Variants in SLC7A7 observed in about 807,000 individuals in gnomAD.
The protein encoded by SLC7A7 is Y+L amino acid transporter 1.
SLC7A7 carries 39 observed loss-of-function variants against 47.9 expected under a neutral mutation model. The observed-to-expected ratio is 0.81, with a 90% CI of 0.63 to 1.06. The LOEUF (loss-of-function observed/expected upper bound fraction) is 1.06, where lower values mean the gene tolerates loss of function less well. SLC7A7 is among the 50% of genes least tolerant of loss of function. The probability of loss-of-function intolerance (pLI) is 0.00; values close to 1 mark genes in which losing one functional copy is unlikely to be tolerated. For missense variants in SLC7A7, 588 were observed against 632.0 expected, an observed-to-expected ratio of 0.93 and a Z score of 0.75; for synonymous variants, 234 against 242.8, an observed-to-expected ratio of 0.96 and a Z score of 0.34.
chr14:22,810,393 CAG>C (rs2039286232), intron 2 of SLC7A7, among the ~76,000 whole-genome samples: 1 of 140,854 alleles, frequency 7.1e-6, no homozygotes, highest in African/African-American at 2.7e-5. Flanking sequence ...ACCTGGGAGG[CAG>C]AGGTTGCGGT....
rs1172881318 is a variant in SLC7A7 at position 22,778,949 on chromosome 14, G to A, written c.626-12C>T. 6.2e-7 allele frequency: 1 copy of A among 1,613,660 alleles called. No individual in the cohort carries two copies. Among genetic ancestry groups the A allele is most frequent in the Non-Finnish European group, 8.5e-7 (1 of 1,179,972 alleles). Reference sequence around the variant, plus strand: ...ATGAGTAGAGGCTCCTGGAACCCAAGAACATTGGAAGGCAGGGGATTAGTG... The same window carrying A: ...ATGAGTAGAGGCTCCTGGAACCCAAAAACATTGGAAGGCAGGGGATTAGTG... On this transcript the variant is annotated splice_polypyrimidine_tract_variant and intron_variant, in intron 3 of 9. Transcript: ENST00000674313.
At chr14:22,808,164 C>CAA (rs36057907) in intron 2 of SLC7A7, among the ~76,000 whole-genome samples, 9 of 138,056 alleles carry the variant, frequency 6.5e-5, no homozygotes, top group South Asian at 4.6e-4. Context: ...AACTTCATCT[C>CAA]AAAAAAAAAA....
intron 2 of SLC7A7, among the ~76,000 whole-genome samples, chr14:22,808,576 GC>G: frequency 1.3e-5 from 2 of 152,244 alleles, no homozygotes; most frequent in South Asian, 2.1e-4. Flanking sequence ...GGAGGCCAAG[GC>G]AGGCAGATAG....
chr14:22,784,595 T>C (rs1469177970), intron 2 of SLC7A7, among the ~76,000 whole-genome samples: 12 of 150,974 alleles, frequency 7.9e-5, no homozygotes, highest in Admixed American at 6.6e-4. Context: ...TCCAGCCTGG[T>C]GACAGAGCAA....
intron 7 of SLC7A7, among the ~76,000 whole-genome samples, chr14:22,774,715 A>C (rs1244169798): frequency 6.6e-6 from 1 of 152,080 alleles, no homozygotes; most frequent in Non-Finnish European, 1.5e-5. Flanking sequence ...CCATTCTTCA[A>C]GTTAACCCTG....
At chr14:22,809,883 C>G (rs539013689) in intron 2 of SLC7A7, among the ~76,000 whole-genome samples, 1 of 151,478 alleles carries the variant, frequency 6.6e-6, no homozygotes, top group Non-Finnish European at 1.5e-5. Flanking sequence ...TCTAAAAATA[C>G]AAAAAATTAG....
chr14:22,800,283 T>C (rs1398740169), intron 2 of SLC7A7, among the ~76,000 whole-genome samples: 1 of 152,254 alleles, frequency 6.6e-6, no homozygotes, highest in Non-Finnish European at 1.5e-5. Context: ...CTCCTTAATA[T>C]AGTTGGTGCA....
intron 5 of SLC7A7, 83 bp downstream of exon 5, chr14:22,776,112 C>T (rs950846120): frequency 1.3e-6 from 2 of 1,586,760 alleles, no homozygotes; most frequent in African/African-American, 2.7e-5. Context: ...GCTGTCTACC[C>T]CCTTTCCAGG....
At position 22,773,424 on chromosome 14, in the gene SLC7A7, G is replaced by A; in HGVS notation, c.*186C>T. ...CCTTCATTGTCCCCTTTAAAAGTCT[G>A]GAACAGTATGTAGCAAAACAAATAA... On this transcript the variant is annotated 3_prime_UTR_variant, in exon 10 of 10. Transcript: ENST00000674313. 1.5e-6 allele frequency: 1 copy of A among 685,716 alleles called. No homozygotes were observed. The allele number at this position is 685,716 out of a possible 1,614,324, so 42.5% of individuals were successfully genotyped here. A position where few individuals can be genotyped will look rare whatever the true frequency, so the allele number is the denominator to read the frequency against.
chr14:22,784,616 C>CAA (rs1043176688), intron 2 of SLC7A7, among the ~76,000 whole-genome samples: 1 of 136,474 alleles, frequency 7.3e-6, no homozygotes, highest in Admixed American at 7.4e-5. Flanking sequence ...GACTCCATCT[C>CAA]AAAAAAAAAA....
intron 2 of SLC7A7, among the ~76,000 whole-genome samples, chr14:22,798,641 C>T (rs1404030309): frequency 6.6e-6 from 1 of 152,196 alleles, no homozygotes; most frequent in Non-Finnish European, 1.5e-5. Context: ...TTTCCTCTAA[C>T]AATCACCCTC....
chr14:22,805,725 C>T (rs2039190536), intron 2 of SLC7A7, among the ~76,000 whole-genome samples: 1 of 152,112 alleles, frequency 6.6e-6, no homozygotes, highest in Non-Finnish European at 1.5e-5. Flanking sequence ...ACATGTTTAC[C>T]TATGTAACAA....
At chr14:22,783,080 CCCA>C (rs1438263941) in intron 2 of SLC7A7, among the ~76,000 whole-genome samples, 1 of 150,968 alleles carries the variant, frequency 6.6e-6, no homozygotes, top group Non-Finnish European at 1.5e-5. Context: ...ACTACAAGTG[CCCA>C]CCACCACACC....
At position 22,809,282 on chromosome 14, in the gene SLC7A7, G is replaced by A. The variant is rs574881804; in HGVS notation, c.499+3618C>T. Among the ~76,000 whole-genome samples, 28 of 151,520 alleles carry A rather than the reference G, an allele frequency of 1.8e-4. No homozygotes were observed. In the South Asian group the frequency reaches 3.4e-3, roughly 18 times the overall value. On this transcript the variant is annotated intron_variant, in intron 2 of 9. Transcript: ENST00000674313. ...CAACCTCTGCTTCCCGGGTTCAAGCGTTCCTCCTGTGTCAGCCTCCCTAGT... is the reference window on the plus strand; with the variant it reads ...CAACCTCTGCTTCCCGGGTTCAAGCATTCCTCCTGTGTCAGCCTCCCTAGT...
chr14:22,775,805 C>T (rs765855443), intron 6 of SLC7A7, 28 bp downstream of exon 6: 2 of 1,499,388 alleles, frequency 1.3e-6, no homozygotes, highest in Non-Finnish European at 1.9e-6. Flanking sequence ...TTTGATGATA[C>T]ACCCCTCACA....
chr14:22,805,859 A>G (rs2039192999), intron 2 of SLC7A7, among the ~76,000 whole-genome samples: 1 of 152,100 alleles, frequency 6.6e-6, no homozygotes, highest in Non-Finnish European at 1.5e-5. Flanking sequence ...ACATACATCA[A>G]AGGCCGAGGG....
intron 2 of SLC7A7, 54 bp from the exon 3 acceptor site, chr14:22,780,105 A>T: frequency 6.2e-7 from 1 of 1,610,678 alleles, no homozygotes. Context: ...CTAGGGCCTT[A>T]GACTCCCAAG....
In SLC7A7 at chr14:22,774,514, G is replaced by A; in HGVS notation, c.1096-11C>T. The A allele has an allele frequency of 6.2e-7, 1 of 1,614,134 alleles. No homozygotes were observed. The highest frequency in any genetic ancestry group is 8.5e-7 in the Non-Finnish European group (1 of 1,180,018). Reference sequence around the variant, plus strand: ...CAATGCCATGATACCCTGTAAGCGTGAGCCTAAGTCAGCTCTTCTCAGGGC... The same window carrying A: ...CAATGCCATGATACCCTGTAAGCGTAAGCCTAAGTCAGCTCTTCTCAGGGC... On this transcript the variant is annotated splice_polypyrimidine_tract_variant and intron_variant, in intron 7 of 9. Coordinates refer to ENST00000674313, the MANE Select transcript of SLC7A7 (RefSeq NM_003982.4).
At position 22,773,369 on chromosome 14, in the gene SLC7A7, C is replaced by G. The variant is rs1566437943; in HGVS notation, c.*241G>C. 3.3e-6 allele frequency: 2 copies of G among 608,564 alleles called. No individual in the cohort carries two copies. The highest frequency in any genetic ancestry group is 3.1e-6 in the Non-Finnish European group (1 of 326,982). The allele number at this position is 608,564 out of a possible 1,614,324, so 37.7% of individuals were successfully genotyped here. ...CCAGGTGCTTCTAAAACAACCAAGC[C>G]CAAACCTGACATGCTCCTCCCCACA... On this transcript the variant is annotated 3_prime_UTR_variant, in exon 10 of 10. Coordinates refer to ENST00000674313, the MANE Select transcript of SLC7A7 (RefSeq NM_003982.4).
Sources: gnomAD v4.1 joint callset for allele counts (sites outside exome capture counted in the v4.1 genomes callset) on GRCh38, gnomAD v4.1.1 for gene constraint, MANE v1.5 for transcripts, NCBI Gene and HGNC (gene_info 2026-07-23, HGNC 2026-07-21) for gene names.